Variants in DYNC1I1 observed in about 807,000 individuals in gnomAD.
DYNC1I1 encodes dynein cytoplasmic 1 intermediate chain 1, also known as cytoplasmic dynein 1 intermediate chain 1.
DYNC1I1 carries 43 observed loss-of-function variants against 86.6 expected under a neutral mutation model. That is an observed-to-expected ratio of 0.50 (90% CI 0.39 to 0.64). DYNC1I1 has a LOEUF of 0.64. DYNC1I1 is among the 30% of genes least tolerant of loss of function. DYNC1I1 has a pLI of 0.00. For missense variants in DYNC1I1, 604 were observed against 788.8 expected (o/e 0.77, Z 2.81); for synonymous variants, 262 against 283.7 (o/e 0.92, Z 0.77).
At chr7:95,933,131 C>T (rs1308413087) in intron 6 of DYNC1I1, among the ~76,000 whole-genome samples, 3 of 152,118 alleles carry the variant, frequency 2.0e-5, no homozygotes, top group African/African-American at 7.2e-5. Context: ...AATCCTCCCA[C>T]CTTGGCCTCC....
chr7:95,933,355 G>A (rs1198297958), intron 6 of DYNC1I1, among the ~76,000 whole-genome samples: 1 of 152,206 alleles, frequency 6.6e-6, no homozygotes, highest in East Asian at 1.9e-4. Flanking sequence ...AACAATGCCA[G>A]TCTGTTTGTT....
intron 8 of DYNC1I1, among the ~76,000 whole-genome samples, chr7:95,986,539 C>A (rs1256378002): frequency 6.6e-6 from 1 of 152,128 alleles, no homozygotes; most frequent in Non-Finnish European, 1.5e-5. Flanking sequence ...GTCTACCACG[C>A]CTGTCTCATG....
chr7:95,978,553 A>G (rs777642484), intron 7 of DYNC1I1, among the ~76,000 whole-genome samples: 1 of 151,270 alleles, frequency 6.6e-6, no homozygotes, highest in Non-Finnish European at 1.5e-5. Context: ...GTTCTTCCAT[A>G]TTTCCTAATG....
chr7:95,919,122 T>C (rs966857822), intron 6 of DYNC1I1, among the ~76,000 whole-genome samples: 10 of 152,242 alleles, frequency 6.6e-5, no homozygotes, highest in African/African-American at 2.4e-4. Context: ...AGAGTTTTGC[T>C]GTGTATTTTT....
intron 9 of DYNC1I1, among the ~76,000 whole-genome samples, chr7:95,989,640 T>C (rs1020870439): frequency 6.6e-6 from 1 of 152,222 alleles, no homozygotes; most frequent in African/African-American, 2.4e-5. Context: ...ACATTGCCTG[T>C]GGAGGTGTTT....
intron 1 of DYNC1I1, among the ~76,000 whole-genome samples, chr7:95,802,365 A>G (rs919857380): frequency 3.3e-5 from 5 of 151,990 alleles, no homozygotes; most frequent in Admixed American, 6.6e-5. Flanking sequence ...CACATTCTCT[A>G]CTTCTGTCTC....
chr7:95,992,352 T>C (rs1289619187), intron 9 of DYNC1I1, among the ~76,000 whole-genome samples: 1 of 152,166 alleles, frequency 6.6e-6, no homozygotes, highest in Non-Finnish European at 1.5e-5. Context: ...TACATATTTA[T>C]AGGGGACACT....
intron 6 of DYNC1I1, among the ~76,000 whole-genome samples, chr7:95,930,203 G>A (rs1408418376): frequency 5.3e-5 from 8 of 152,162 alleles, no homozygotes; most frequent in Non-Finnish European, 8.8e-5. Context: ...GAGCTTTTGG[G>A]CACAGTGGTG....
At chr7:95,935,293 C>T (rs573803431) in intron 6 of DYNC1I1, among the ~76,000 whole-genome samples, 2 of 152,152 alleles carry the variant, frequency 1.3e-5, no homozygotes, top group East Asian at 3.9e-4. Flanking sequence ...CATGATGTCA[C>T]ATATTGCAGA....
intron 10 of DYNC1I1, among the ~76,000 whole-genome samples, chr7:96,022,111 T>C (rs1794566134): frequency 1.3e-5 from 2 of 152,192 alleles, no homozygotes; most frequent in Non-Finnish European, 2.9e-5. Context: ...TGCACCATTG[T>C]ACATTCCCAC....
chr7:96,010,755 G>A (rs1189488511), intron 10 of DYNC1I1, among the ~76,000 whole-genome samples: 2 of 152,164 alleles, frequency 1.3e-5, no homozygotes, highest in Non-Finnish European at 2.9e-5. Flanking sequence ...TATTTTTGTT[G>A]TTGTACAAAT....
intron 1 of DYNC1I1, among the ~76,000 whole-genome samples, chr7:95,783,889 A>G (rs1390133537): frequency 6.6e-6 from 1 of 152,242 alleles, no homozygotes; most frequent in African/African-American, 2.4e-5. Flanking sequence ...AGGATTCATA[A>G]TAATAGTATC....
chr7:95,843,663 T>C (rs1789349562), intron 5 of DYNC1I1, among the ~76,000 whole-genome samples: 1 of 151,922 alleles, frequency 6.6e-6, no homozygotes, highest in Admixed American at 6.6e-5. Context: ...GCAAAGCAAA[T>C]GGCAGCAGAG....
intron 14 of DYNC1I1, among the ~76,000 whole-genome samples, chr7:96,042,962 C>G (rs1225464419): frequency 1.3e-5 from 2 of 151,816 alleles, no homozygotes; most frequent in African/African-American, 2.4e-5. Context: ...AAGATCGAGA[C>G]CATCCTGCCC....
intron 1 of DYNC1I1, among the ~76,000 whole-genome samples, chr7:95,795,930 G>A (rs532269994): frequency 6.6e-6 from 1 of 151,282 alleles, no homozygotes; most frequent in Admixed American, 6.6e-5. Context: ...AAATGCCTCT[G>A]TGAACAAAGA....
chr7:95,882,577 T>C (rs1202669128), intron 6 of DYNC1I1, among the ~76,000 whole-genome samples: 2 of 152,194 alleles, frequency 1.3e-5, no homozygotes, highest in African/African-American at 2.4e-5. Context: ...AGAAAGATCC[T>C]TGGGTGGGCT....
intron 6 of DYNC1I1, among the ~76,000 whole-genome samples, chr7:95,871,029 C>T (rs1026500721): frequency 2.0e-5 from 3 of 152,042 alleles, no homozygotes; most frequent in Non-Finnish European, 4.4e-5. Context: ...GCATTTCCCC[C>T]TTAGTGATTT....
At chr7:95,777,335 A>C (rs1185013116) in intron 1 of DYNC1I1, among the ~76,000 whole-genome samples, 2 of 152,136 alleles carry the variant, frequency 1.3e-5, no homozygotes, top group Non-Finnish European at 2.9e-5. Context: ...ACAGCCTGAA[A>C]ACTATCTTGC....
chr7:95,840,103 G>A (rs1349969798), intron 5 of DYNC1I1, among the ~76,000 whole-genome samples: 1 of 151,942 alleles, frequency 6.6e-6, no homozygotes, highest in Non-Finnish European at 1.5e-5. Context: ...TGGGCTTCCT[G>A]AATCTGGATG....
Sources: gnomAD v4.1 joint callset for allele counts (sites outside exome capture counted in the v4.1 genomes callset) on GRCh38, gnomAD v4.1.1 for gene constraint, MANE v1.5 for transcripts, NCBI Gene and HGNC (gene_info 2026-07-23, HGNC 2026-07-21) for gene names.